RAP1GAP: variants seen among roughly 807,000 people sequenced by gnomAD.
The protein encoded by RAP1GAP is rap1 GTPase-activating protein 1.
A neutral mutation model predicts 87.2 loss-of-function variants in RAP1GAP; 35 were observed. The ratio of observed to expected loss-of-function variants is 0.40; its 90% CI spans 0.31 to 0.53. The LOEUF (loss-of-function observed/expected upper bound fraction) is 0.53. Among genes scored for constraint, RAP1GAP ranks in the 20% least tolerant of loss-of-function variants. RAP1GAP has a pLI of 0.48. For synonymous variants in RAP1GAP, 375 were observed against 363.9 expected (o/e 1.03, Z -0.35); for missense variants, 734 against 898.9 (o/e 0.82, Z 2.35).
At chr1:21,637,427 T>TA (rs1175406645) in intron 2 of RAP1GAP, among the ~76,000 whole-genome samples, 1 of 152,092 alleles carries the variant, frequency 6.6e-6, no homozygotes, top group East Asian at 1.9e-4. Flanking sequence ...GTGCTGGGAT[T>TA]ACAGGAGTGA....
At position 21,622,048 on chromosome 1, in the gene RAP1GAP, G is replaced by A. The variant is rs1280262372; in HGVS notation, c.-18-1998C>T. Among the ~76,000 whole-genome samples the A allele has an allele frequency of 3.9e-5, 6 of 152,106 alleles. No homozygotes were observed. The highest frequency in any genetic ancestry group is 7.4e-5 in the Non-Finnish European group (5 of 68,010). The stretch of plus-strand genomic sequence containing the variant: ...TGGAGCATTCAGAGCCCCCCAAACG[G>A]GGCAGGGGCAGGGTAAAGTGGTCCC... On this transcript the variant is annotated intron_variant, in intron 3 of 24. Transcript: ENST00000374765. This position sits in a 1 kb window ranked among gnomAD's most constrained non-coding sequence, Gnocchi z 5.7.
At chr1:21,639,148 TGTAGG>T (rs2095258727) in intron 2 of RAP1GAP, among the ~76,000 whole-genome samples, 1 of 152,226 alleles carries the variant, frequency 6.6e-6, no homozygotes, top group Middle Eastern at 3.2e-3. Context: ...TAAATGCAAA[TGTAGG>T]CTCTGCTCCT....
Position 21,603,001 on chromosome 1 carries a change from G to GTGCCCCCCCACATCCCCTCTGGGGATCCT in RAP1GAP, c.1429-89_1429-88insAGGATCCCCAGAGGGGATGTGGGGGGGCA. 1 of 945,390 alleles carries GTGCCCCCCCACATCCCCTCTGGGGATCCT rather than the reference G, an allele frequency of 1.1e-6. No homozygotes were observed. Among genetic ancestry groups the GTGCCCCCCCACATCCCCTCTGGGGATCCT allele is most frequent in the Non-Finnish European group, 1.6e-6 (1 of 623,432 alleles). The allele number at this position is 945,390 out of a possible 1,614,324, so 58.6% of individuals were successfully genotyped here. ...CCCCTCTGGGGATCCTGCTGCCCCA[G>GTGCCCCCCCACATCCCCTCTGGGGATCCT]GCCCTGAAGCAGAGTTGATGAGCAA... On this transcript the variant is annotated intron_variant, in intron 18 of 24. Coordinates refer to ENST00000374765, the MANE Select transcript of RAP1GAP (RefSeq NM_002885.4). The surrounding 1 kb of genome is among the most constrained non-coding windows in gnomAD (Gnocchi z 6.0).
chr1:21,608,309 T>C lies in RAP1GAP; in HGVS notation c.1200A>G (p.Glu400=), dbSNP rs555959197. Residue 400 remains glutamate (E), a synonymous_variant, in exon 17 of 25, where the codon GAA becomes GAG. Coordinates refer to ENST00000374765, the MANE Select transcript of RAP1GAP (RefSeq NM_002885.4). ...TCATGGACTGGCTGTGGATGTGTAGTTCCTCATAGAGCGTCTCCAGGAGGG... is the reference window on the plus strand; with the variant it reads ...TCATGGACTGGCTGTGGATGTGTAGCTCCTCATAGAGCGTCTCCAGGAGGG... ...RAALLETLYE[E]LHIHSQSMMG... is the part of the protein sequence containing the mutation. 1.9e-6 allele frequency: 3 copies of C among 1,613,948 alleles called. No homozygotes were observed. Among genetic ancestry groups the C allele is most frequent in the Non-Finnish European group, 2.5e-6 (3 of 1,179,948 alleles).
rs757911529 is a variant in RAP1GAP, at chr1:21,599,530, C to T, written c.1740G>A (p.Glu580=). 6.2e-7 allele frequency: 1 copy of T among 1,609,792 alleles called. No homozygotes were observed. The highest frequency in any genetic ancestry group is 8.5e-7 in the Non-Finnish European group (1 of 1,179,980). The change falls in exon 21 of 25, where the codon GAG becomes GAA. Residue 580 remains glutamate, a synonymous_variant. Transcript: ENST00000374765. ...CCTCTCCGTCCACACCCTCCGTCTC[C>T]TCCACCACGCTGGCGAAGCTGCTGG... ...SSASSFASVV[E]ETEGVDGEDT...
chr1:21,662,412 G>A (rs1157416774), intron 1 of RAP1GAP, among the ~76,000 whole-genome samples: 2 of 152,180 alleles, frequency 1.3e-5, no homozygotes, highest in East Asian at 1.9e-4. Context: ...GGGATTTCTT[G>A]GGTTTCCAAG....
chr1:21,655,322 A>G (rs1157231142), intron 1 of RAP1GAP, among the ~76,000 whole-genome samples: 8 of 152,228 alleles, frequency 5.3e-5, no homozygotes, highest in Non-Finnish European at 1.2e-4. Context: ...ATGCGGTGCC[A>G]TGCAGCTATG....
At chr1:21,652,788 C>G (rs1164366789) in intron 1 of RAP1GAP, among the ~76,000 whole-genome samples, 1 of 152,168 alleles carries the variant, frequency 6.6e-6, no homozygotes, top group Non-Finnish European at 1.5e-5. Flanking sequence ...GCTGTGTCAG[C>G]AGACACCGGG....
chr1:21,619,418 G>A (rs1473347130), intron 4 of RAP1GAP, among the ~76,000 whole-genome samples: 1 of 151,474 alleles, frequency 6.6e-6, no homozygotes, highest in African/African-American at 2.4e-5. Flanking sequence ...AGAGGGGGAG[G>A]GAGAGGCAGA....
At position 21,663,853 on chromosome 1, in the gene RAP1GAP, G is replaced by T. The variant is rs114565509; in HGVS notation, c.-149+5401C>A. ...CCTCACCCACTGCCCCCAAACCCCA[G>T]CCTTGCCAGCAGATCCACCGTCTCA... is the stretch of plus-strand genomic sequence containing the variant. On this transcript the variant is annotated intron_variant, in intron 1 of 24. Coordinates refer to ENST00000374765, the MANE Select transcript of RAP1GAP (RefSeq NM_002885.4). Among the ~76,000 whole-genome samples, 656 of 152,252 alleles carry T rather than the reference G, an allele frequency of 4.3e-3. 4 individuals carry two copies. The highest frequency in any genetic ancestry group is 0.015 in the African/African-American group (633 of 41,546).
Position 21,618,633 on chromosome 1 carries a change from G to A in RAP1GAP, c.66+392C>T, listed in dbSNP as rs182908240. Reference sequence around the variant, plus strand: ...AGCTCATAAGTCTCCTAGGGCCTGAGTTGGAGTCTTCCTGCAACTGCTGGT... The same window carrying A: ...AGCTCATAAGTCTCCTAGGGCCTGAATTGGAGTCTTCCTGCAACTGCTGGT... On this transcript the variant is annotated intron_variant, in intron 5 of 24. Coordinates refer to ENST00000374765, the MANE Select transcript of RAP1GAP (RefSeq NM_002885.4). Among the ~76,000 whole-genome samples the A allele has an allele frequency of 5.9e-5, 9 of 152,296 alleles. No individual in the cohort carries two copies. The East Asian group carries it at 1.5e-3, about 26-fold the overall frequency.
chr1:21,613,350 G>T lies in RAP1GAP; in HGVS notation c.475-121C>A. ...CATGCTGGGAATGGCCAAGGCTAAA[G>T]CAGGACTCGGGGTTCACTGTTGCTC... On this transcript the variant is annotated intron_variant, in intron 9 of 24. Coordinates refer to ENST00000374765, the MANE Select transcript of RAP1GAP (RefSeq NM_002885.4). This position sits in a 1 kb window ranked among gnomAD's most constrained non-coding sequence, Gnocchi z 4.7. 1 of 939,620 alleles carries T rather than the reference G, an allele frequency of 1.1e-6. No homozygotes were observed. The highest frequency in any genetic ancestry group is 1.7e-6 in the Non-Finnish European group (1 of 581,772). 58.2% of individuals were successfully genotyped at this position (939,620 alleles called of 1,614,324 possible). A position where few individuals can be genotyped will look rare whatever the true frequency, so the allele number is the denominator to read the frequency against.
intron 18 of RAP1GAP, among the ~76,000 whole-genome samples, chr1:21,604,639 AG>A (rs2072420998): frequency 6.6e-6 from 1 of 151,672 alleles, no homozygotes; most frequent in Non-Finnish European, 1.5e-5. Context: ...GGGTTGGGGG[AG>A]GTTGGGCCTG....
chr1:21,653,974 G>A (rs1367367550), intron 1 of RAP1GAP, among the ~76,000 whole-genome samples: 1 of 152,110 alleles, frequency 6.6e-6, no homozygotes, highest in Non-Finnish European at 1.5e-5. Flanking sequence ...CTGGGACAGT[G>A]GGCCCTTGAG....
chr1:21,598,055 C>T lies in RAP1GAP; in HGVS notation c.1889G>A (p.Arg630Gln), dbSNP rs780407425. 23 of 1,538,796 alleles carry T rather than the reference C, an allele frequency of 1.5e-5. No homozygotes were observed. Among genetic ancestry groups the T allele is most frequent in the Admixed American group, 1.2e-4 (6 of 51,930 alleles). ...CTTGCCGGCGTCTGGGTGGGGTGAT[C>T]GAGAGGGGCCTGGGGAGGGGGGCAG... ...TSGGSSPGPS[R>Q]SPHPDAGKLG... The change falls in exon 23 of 25, where the codon CGA (arginine) becomes CAA (glutamine). Residue 630 changes from arginine to glutamine, a missense_variant. By Grantham distance (43) the Arg-to-Gln change is conservative. Around this residue, in one of 2 missense-constraint regions of RAP1GAP, gnomAD observed 249 missense variants for 252.7 expected, o/e 0.99. Coordinates refer to ENST00000374765, the MANE Select transcript of RAP1GAP (RefSeq NM_002885.4).
Position 21,603,089 on chromosome 1 carries a change from T to A in RAP1GAP, c.1429-176A>T. The A allele has an allele frequency of 1.7e-6, 1 of 584,660 alleles. No individual in the cohort carries two copies. The highest frequency in any genetic ancestry group is 2.9e-5 in the East Asian group (1 of 34,958). The allele number at this position is 584,660 out of a possible 1,614,324, so 36.2% of individuals were successfully genotyped here. A position where few individuals can be genotyped will look rare whatever the true frequency, so the allele number is the denominator to read the frequency against. On this transcript the variant is annotated intron_variant, in intron 18 of 24. Coordinates refer to ENST00000374765, the MANE Select transcript of RAP1GAP (RefSeq NM_002885.4). The surrounding 1 kb of genome is among the most constrained non-coding windows in gnomAD (Gnocchi z 6.0). ...CTCCCAGTTTACGAAAGGGAAACAG[T>A]CCCCAGGAGGGCAAGGGGCTCTCCC... is the stretch of plus-strand genomic sequence containing the variant.
At chr1:21,625,955 G>A (rs1048758938) in intron 3 of RAP1GAP, among the ~76,000 whole-genome samples, 1 of 152,218 alleles carries the variant, frequency 6.6e-6, no homozygotes, top group Admixed American at 6.5e-5. Flanking sequence ...ATGACCCTGT[G>A]AAGTGGGTCC....
At chr1:21,663,225 T>C (rs1558936024) in intron 1 of RAP1GAP, among the ~76,000 whole-genome samples, 1 of 152,138 alleles carries the variant, frequency 6.6e-6, no homozygotes, top group Non-Finnish European at 1.5e-5. Flanking sequence ...GGAGAGGGGC[T>C]GTAAGGGCAA....
intron 3 of RAP1GAP, among the ~76,000 whole-genome samples, chr1:21,625,049 A>G (rs144699761): frequency 6.6e-6 from 1 of 152,324 alleles, no homozygotes; most frequent in Non-Finnish European, 1.5e-5. Context: ...CCGGATCCAC[A>G]TGCCCCAGTC....
Sources: gnomAD v4.1 joint callset for allele counts (sites outside exome capture counted in the v4.1 genomes callset) on GRCh38, gnomAD v4.1.1 for gene constraint, gnomAD v4.1.1 regional missense constraint, Gnocchi (gnomAD v3.1) non-coding constraint, MANE v1.5 for transcripts, NCBI Gene and HGNC (gene_info 2026-07-23, HGNC 2026-07-21) for gene names.